MED27: variants seen among roughly 807,000 people sequenced by gnomAD.
MED27 encodes the protein mediator complex subunit 27, also known as mediator of RNA polymerase II transcription subunit 27.
MED27 carries 30 observed loss-of-function variants against 38.2 expected under a neutral mutation model. The ratio of observed to expected loss-of-function variants is 0.79; its 90% CI spans 0.59 to 1.07. The LOEUF (loss-of-function observed/expected upper bound fraction) is 1.07. Ranked by LOEUF, MED27 falls within the 50% of genes least tolerant of loss-of-function variation. MED27 has a pLI of 0.00. For synonymous variants in MED27, 122 were observed against 153.5 expected (o/e 0.79, Z 1.52); for missense variants, 289 against 397.5 (o/e 0.73, Z 2.32).
intron 2 of MED27, among the ~76,000 whole-genome samples, chr9:132,019,737 C>T (rs182539620): frequency 6.9e-4 from 105 of 152,332 alleles, no homozygotes; most frequent in Admixed American, 1.6e-3. Flanking sequence ...CTCTGTCCCG[C>T]GGGGATAGGT....
At chr9:131,956,051 A>C (rs1332704329) in intron 3 of MED27, among the ~76,000 whole-genome samples, 1 of 152,246 alleles carries the variant, frequency 6.6e-6, no homozygotes, top group Non-Finnish European at 1.5e-5. Flanking sequence ...GTATTCCAGA[A>C]ATGCAAAATT....
intron 3 of MED27, among the ~76,000 whole-genome samples, chr9:131,990,485 C>T (rs902206118): frequency 6.6e-6 from 1 of 152,216 alleles, no homozygotes; most frequent in African/African-American, 2.4e-5. Flanking sequence ...TGTGCAGGCC[C>T]AGATCCCTAG....
chr9:131,980,213 G>A (rs190106770), intron 3 of MED27, among the ~76,000 whole-genome samples: 9 of 151,730 alleles, frequency 5.9e-5, no homozygotes, highest in Admixed American at 1.3e-4. Flanking sequence ...CGGGTGGCGG[G>A]GGGGAGAGGG....
In MED27 at chr9:131,913,710, A is replaced by G. The variant is rs1239947991; in HGVS notation, c.574-19718T>C. Among the ~76,000 whole-genome samples, 3 of 152,116 alleles carry G rather than the reference A, an allele frequency of 2.0e-5. No homozygotes were observed. The highest frequency in any genetic ancestry group is 4.4e-5 in the Non-Finnish European group (3 of 68,016). On this transcript the variant is annotated intron_variant, in intron 4 of 7. Coordinates refer to ENST00000292035, the MANE Select transcript of MED27 (RefSeq NM_004269.4). This position sits in a 1 kb window ranked among gnomAD's most constrained non-coding sequence, Gnocchi z 4.5. Reference sequence around the variant, plus strand: ...TGGCTAGGTGGCAGTAGGTTTCTCCAGGTGTGGACCCCAGCCCAACTCCAT... The same window carrying G: ...TGGCTAGGTGGCAGTAGGTTTCTCCGGGTGTGGACCCCAGCCCAACTCCAT...
At chr9:131,970,402 G>A (rs1831450369) in intron 3 of MED27, among the ~76,000 whole-genome samples, 1 of 152,230 alleles carries the variant, frequency 6.6e-6, no homozygotes, top group Non-Finnish European at 1.5e-5. Flanking sequence ...ACTGAGGCCA[G>A]GAGGCCGCCC....
chr9:132,006,641 G>C (rs1461709201), intron 3 of MED27, among the ~76,000 whole-genome samples: 1 of 151,734 alleles, frequency 6.6e-6, no homozygotes, highest in Non-Finnish European at 1.5e-5. Context: ...ATACCTGTAT[G>C]GCAGAGGAAA....
rs972688293 is a variant in MED27 at position 131,862,452 on chromosome 9, G to A, written c.801+611C>T. Among the ~76,000 whole-genome samples the A allele has an allele frequency of 3.9e-5, 6 of 152,162 alleles. No homozygotes were observed. The highest frequency in any genetic ancestry group is 1.3e-4 in the Admixed American group (2 of 15,292). Reference sequence around the variant, plus strand: ...AGCCCTGCTTAGGCCAACTGGTGGCGGCGTGATAAATGCTGATAAACTGGC... The same window carrying A: ...AGCCCTGCTTAGGCCAACTGGTGGCAGCGTGATAAATGCTGATAAACTGGC... On this transcript the variant is annotated intron_variant, in intron 7 of 7. Coordinates refer to ENST00000292035, the MANE Select transcript of MED27 (RefSeq NM_004269.4). This position sits in a 1 kb window ranked among gnomAD's most constrained non-coding sequence, Gnocchi z 4.6.
chr9:132,018,891 C>T (rs545343381), intron 2 of MED27, among the ~76,000 whole-genome samples: 2 of 146,576 alleles, frequency 1.4e-5, no homozygotes, highest in South Asian at 2.3e-4. Context: ...CTCTCCTGGA[C>T]GTAAGTTATG....
intron 3 of MED27, among the ~76,000 whole-genome samples, chr9:131,944,406 T>C (rs1431281862): frequency 6.6e-6 from 1 of 152,166 alleles, no homozygotes; most frequent in African/African-American, 2.4e-5. Context: ...CCAATCACCC[T>C]ACTTTAGCCT....
chr9:132,065,648 C>T (rs1833793832), intron 2 of MED27, among the ~76,000 whole-genome samples: 1 of 152,344 alleles, frequency 6.6e-6, no homozygotes, highest in East Asian at 1.9e-4. Context: ...GAGAGGCCTG[C>T]AGCTGCCTTC....
chr9:131,913,858 G>A lies in MED27; in HGVS notation c.574-19866C>T, dbSNP rs563658516. 2.0e-5 allele frequency among the ~76,000 whole-genome samples: 3 copies of A among 152,282 alleles called. No individual in the cohort carries two copies. The highest frequency in any genetic ancestry group is 1.3e-4 in the Admixed American group (2 of 15,300). ...CTGAGCCACTGGCGTGGTACCAAAC[G>A]CAGGACAGCACTCTGCCAGTCTTTG... On this transcript the variant is annotated intron_variant, in intron 4 of 7. Transcript: ENST00000292035. The surrounding 1 kb of genome is among the most constrained non-coding windows in gnomAD (Gnocchi z 4.5).
chr9:132,077,352 A>G, intron 2 of MED27, 90 bp downstream of exon 2: 2 of 1,288,328 alleles, frequency 1.6e-6, no homozygotes, highest in Non-Finnish European at 2.2e-6. Context: ...CATAAAAAGC[A>G]ATAAAAACAT....
intron 3 of MED27, among the ~76,000 whole-genome samples, chr9:132,008,284 GATCA>G (rs1832404083): frequency 6.6e-6 from 1 of 152,164 alleles, no homozygotes; most frequent in Non-Finnish European, 1.5e-5. Flanking sequence ...ATAACTCATA[GATCA>G]ATTAAATAAG....
At position 131,863,087 on chromosome 9, in the gene MED27, C is replaced by T. The variant is rs144516383; in HGVS notation, c.777G>A (p.Pro259=). ...CCATGAAGGATCGGACCACGACATC[C>T]GGCATCTGGGGCAGCTGATAGTGGA... ...ALLHYQLPQM[P]DVVVRSFMTW... is the part of the protein sequence containing the mutation. Residue 259 remains proline, a synonymous_variant, in exon 7 of 8, where the codon CCG becomes CCA. Coordinates refer to ENST00000292035, the MANE Select transcript of MED27 (RefSeq NM_004269.4). 5.9e-5 allele frequency: 96 copies of T among 1,614,118 alleles called. No homozygotes were observed. Among genetic ancestry groups the T allele is most frequent in the Admixed American group, 2.2e-4 (13 of 60,014 alleles).
intron 2 of MED27, among the ~76,000 whole-genome samples, chr9:132,016,079 G>A (rs771799846): frequency 4.6e-5 from 7 of 152,154 alleles, no homozygotes; most frequent in Non-Finnish European, 8.8e-5. Flanking sequence ...ACAGCTCACG[G>A]TAATGAAACT....
At chr9:131,908,171 T>G (rs13299904) in intron 4 of MED27, among the ~76,000 whole-genome samples, 2 of 105,768 alleles carry the variant, frequency 1.9e-5, no homozygotes, top group African/African-American at 3.8e-5. Context: ...GTCCAGGAGG[T>G]GAGGGGCGCC....
At chr9:132,040,249 G>A (rs956250214) in intron 2 of MED27, among the ~76,000 whole-genome samples, 8 of 152,182 alleles carry the variant, frequency 5.3e-5, no homozygotes, top group Non-Finnish European at 8.8e-5. Context: ...TCTTCCCTGC[G>A]GCGGGGAAAT....
intron 2 of MED27, among the ~76,000 whole-genome samples, chr9:132,075,504 T>C (rs1834027033): frequency 6.6e-6 from 1 of 152,202 alleles, no homozygotes; most frequent in Admixed American, 6.5e-5. Flanking sequence ...CACAAGAAGT[T>C]CCACATACAT....
At chr9:131,886,258 C>T (rs1839138363) in intron 5 of MED27, among the ~76,000 whole-genome samples, 1 of 152,162 alleles carries the variant, frequency 6.6e-6, no homozygotes, top group South Asian at 2.1e-4. Flanking sequence ...TGTTTGAAAA[C>T]TTTTAGGACA....
Sources: gnomAD v4.1 joint callset for allele counts (sites outside exome capture counted in the v4.1 genomes callset) on GRCh38, gnomAD v4.1.1 for gene constraint, Gnocchi (gnomAD v3.1) non-coding constraint, MANE v1.5 for transcripts, NCBI Gene and HGNC (gene_info 2026-07-23, HGNC 2026-07-21) for gene names.